Variants in LDLRAD4 observed in about 807,000 individuals in gnomAD.
LDLRAD4 encodes low-density lipoprotein receptor class A domain-containing protein 4.
In LDLRAD4, 5 loss-of-function variants were observed where a neutral mutation model predicts 17.0. The ratio of observed to expected loss-of-function variants is 0.29; its 90% CI spans 0.15 to 0.62. The LOEUF (loss-of-function observed/expected upper bound fraction) is 0.62. Among genes scored for constraint, LDLRAD4 ranks in the 20% least tolerant of loss-of-function variants. The pLI, the probability that LDLRAD4 is intolerant of heterozygous loss-of-function variation, is 0.84. For missense variants in LDLRAD4, 340 were observed against 424.7 expected (o/e 0.80, Z 1.75); for synonymous variants, 168 against 171.8 (o/e 0.98, Z 0.17).
intron 1 of LDLRAD4, among the ~76,000 whole-genome samples, chr18:13,347,859 C>G (rs974643447): frequency 6.6e-6 from 1 of 152,168 alleles, no homozygotes; most frequent in Non-Finnish European, 1.5e-5. Context: ...TCCAGTTGAT[C>G]GAATCAGCTA....
intron 2 of LDLRAD4, among the ~76,000 whole-genome samples, chr18:13,411,989 C>T (rs1030565058): frequency 1.3e-5 from 2 of 152,064 alleles, no homozygotes; most frequent in African/African-American, 4.8e-5. Context: ...TACAGGTGCA[C>T]ATCACCAATG....
chr18:13,356,326 A>G (rs2083341285), intron 1 of LDLRAD4, among the ~76,000 whole-genome samples: 1 of 152,210 alleles, frequency 6.6e-6, no homozygotes. Context: ...CTCTTGGGAC[A>G]GGTGCACTGC....
At chr18:13,318,701 C>G (rs2081060769) in intron 1 of LDLRAD4, among the ~76,000 whole-genome samples, 1 of 152,178 alleles carries the variant, frequency 6.6e-6, no homozygotes, top group Non-Finnish European at 1.5e-5. Flanking sequence ...GATTTCAAAG[C>G]CAGTGGACGG....
In LDLRAD4 at chr18:13,576,678, G is replaced by T. The variant is rs144119078; in HGVS notation, c.182-44439G>T. Among the ~76,000 whole-genome samples, 1,182 of 152,240 alleles carry T rather than the reference G, an allele frequency of 7.8e-3. 17 individuals carry two copies. The highest frequency in any genetic ancestry group is 0.026 in the African/African-American group (1,100 of 41,542). ...AATGTGGATTGTCTCTCTGTTCATG[G>T]GCTCTGCTGGGCTCTCTGAGCTCAG... On this transcript the variant is annotated intron_variant, in intron 3 of 5. Transcript: ENST00000359446.
chr18:13,488,657 G>A (rs1239612281), intron 3 of LDLRAD4: 1 of 151,880 alleles, frequency 6.6e-6, no homozygotes, highest in African/African-American at 2.4e-5. Flanking sequence ...CTGTTGATCT[G>A]TCTGGATCTT....
chr18:13,531,587 C>CAT (rs2094128192), intron 3 of LDLRAD4, among the ~76,000 whole-genome samples: 1 of 124,584 alleles, frequency 8.0e-6, no homozygotes, highest in Non-Finnish European at 1.6e-5. Context: ...AAGACTCCAT[C>CAT]TTTTTTTTTT....
intron 3 of LDLRAD4, chr18:13,520,583 T>C (rs535073677): frequency 6.6e-6 from 1 of 152,322 alleles, no homozygotes; most frequent in Non-Finnish European, 1.5e-5. Context: ...CTGGGAACAG[T>C]GTCTCACACC....
At chr18:13,366,441 C>T (rs978477289) in intron 1 of LDLRAD4, among the ~76,000 whole-genome samples, 13 of 152,170 alleles carry the variant, frequency 8.5e-5, no homozygotes, top group African/African-American at 3.1e-4. Flanking sequence ...AGGTTCTTCT[C>T]TCTGGAAGAA....
intron 1 of LDLRAD4, among the ~76,000 whole-genome samples, chr18:13,369,110 T>A (rs148441127): frequency 2.0e-5 from 3 of 152,318 alleles, no homozygotes; most frequent in African/African-American, 7.2e-5. Flanking sequence ...CTATGGGAAC[T>A]GGCTATGGGA....
At chr18:13,394,527 CAG>C (rs2086508571) in intron 2 of LDLRAD4, among the ~76,000 whole-genome samples, 1 of 152,090 alleles carries the variant, frequency 6.6e-6, no homozygotes, top group African/African-American at 2.4e-5. Context: ...ATTATAAAGT[CAG>C]AAACATTCCA....
At chr18:13,379,255 G>A (rs944240455) in intron 1 of LDLRAD4, among the ~76,000 whole-genome samples, 5 of 152,222 alleles carry the variant, frequency 3.3e-5, no homozygotes, top group African/African-American at 1.2e-4. Flanking sequence ...GTGGGGCTGG[G>A]CACTGCCTGT....
intron 3 of LDLRAD4, among the ~76,000 whole-genome samples, chr18:13,494,684 TTATTA>T (rs2093427486): frequency 1.4e-4 from 1 of 7,358 alleles, no homozygotes; most frequent in African/African-American, 3.5e-4. Flanking sequence ...ATATAATATA[TTATTA>T]AAAATATGTA....
At chr18:13,492,843 GAACGGGC>G (rs1278888861) in intron 3 of LDLRAD4, among the ~76,000 whole-genome samples, 4 of 152,184 alleles carry the variant, frequency 2.6e-5, no homozygotes, top group Non-Finnish European at 5.9e-5. Context: ...AAATAGAGGA[GAACGGGC>G]TGGGTGCAGT....
intron 3 of LDLRAD4, among the ~76,000 whole-genome samples, chr18:13,455,443 G>C (rs1477641902): frequency 6.6e-6 from 1 of 152,170 alleles, no homozygotes; most frequent in Admixed American, 6.5e-5. Context: ...GGCCCGTAAA[G>C]GTCATGAGAT....
intron 3 of LDLRAD4, among the ~76,000 whole-genome samples, chr18:13,590,167 G>C (rs769997615): frequency 6.6e-6 from 1 of 151,612 alleles, no homozygotes; most frequent in Non-Finnish European, 1.5e-5. Context: ...ACGCATGTGC[G>C]TATATGGAGT....
At chr18:13,396,920 A>G (rs976030826) in intron 2 of LDLRAD4, among the ~76,000 whole-genome samples, 1 of 152,266 alleles carries the variant, frequency 6.6e-6, no homozygotes, top group East Asian at 1.9e-4. Flanking sequence ...AAGAAAATAC[A>G]TTAATAAATG....
At chr18:13,392,456 G>C (rs1440922327) in intron 2 of LDLRAD4, among the ~76,000 whole-genome samples, 2 of 152,220 alleles carry the variant, frequency 1.3e-5, no homozygotes, top group East Asian at 3.8e-4. Context: ...GGAAAGATAA[G>C]ACTCTGGCTG....
At chr18:13,325,371 GAT>G (rs1479941988) in intron 1 of LDLRAD4, among the ~76,000 whole-genome samples, 4 of 152,222 alleles carry the variant, frequency 2.6e-5, no homozygotes, top group Non-Finnish European at 5.9e-5. Flanking sequence ...AAGAGGTGGA[GAT>G]GCAGAGTGCA....
chr18:13,546,777 G>A (rs557796065), intron 3 of LDLRAD4, among the ~76,000 whole-genome samples: 5 of 152,284 alleles, frequency 3.3e-5, no homozygotes, highest in South Asian at 2.1e-4. Flanking sequence ...TAGAGAAAGC[G>A]GTGATCTCTG....
Sources: allele counts gnomAD v4.1 joint callset (sites outside exome capture counted in the v4.1 genomes callset), GRCh38; gene constraint gnomAD v4.1.1; transcripts MANE v1.5; gene names NCBI Gene and HGNC (gene_info 2026-07-23, HGNC 2026-07-21).